The following RRBP1 variants were observed in gnomAD, a reference collection of about 807,000 sequenced individuals.
RRBP1 encodes ribosome binding protein 1, also known as ribosome-binding protein 1.
Under a neutral mutation model 165.2 loss-of-function variants are expected in RRBP1, and 94 were observed. The ratio of observed to expected loss-of-function variants is 0.57; its 90% CI spans 0.48 to 0.68. The LOEUF (loss-of-function observed/expected upper bound fraction) is 0.68, where lower values mean the gene tolerates loss of function less well. Ranked by LOEUF, RRBP1 falls within the 30% of genes least tolerant of loss-of-function variation. The pLI, the probability that RRBP1 is intolerant of heterozygous loss-of-function variation, is 0.00. For missense variants in RRBP1, 1,676 were observed against 1,763.0 expected (o/e 0.95, Z 0.88); for synonymous variants, 680 against 714.5 (o/e 0.95, Z 0.77).
Position 17,625,480 on chromosome 20 carries a change from C to T in RRBP1, c.3054+32G>A, listed in dbSNP as rs3828010. 8,264 of 1,597,176 alleles carry T rather than the reference C, an allele frequency of 5.2e-3. 181 individuals carry two copies. In the East Asian group the frequency reaches 0.063, roughly 12 times the overall value. On this transcript the variant is annotated intron_variant, in intron 12 of 24. Transcript: ENST00000377813. ...CGGCCCCACCTGTGCTTCCCTGGCC[C>T]GTCCGTCCCCGCCTGTGCCTGCCGC...
intron 11 of RRBP1, 42 bp from the exon 12 acceptor site, chr20:17,625,644 C>T (rs1450718605): frequency 2.7e-6 from 4 of 1,505,446 alleles, no homozygotes; most frequent in Admixed American, 1.7e-5. Context: ...CTCCAAGGGG[C>T]TACAGCCCCT....
intron 8 of RRBP1, among the ~76,000 whole-genome samples, chr20:17,631,205 G>A (rs1600738727): frequency 1.3e-5 from 2 of 152,220 alleles, no homozygotes; most frequent in African/African-American, 4.8e-5. Flanking sequence ...TCCCGGGCAG[G>A]AGCCTGCCTT....
intron 5 of RRBP1, among the ~76,000 whole-genome samples, chr20:17,640,386 A>G (rs1258912074): frequency 6.6e-6 from 1 of 152,224 alleles, no homozygotes; most frequent in Non-Finnish European, 1.5e-5. Flanking sequence ...ACGAAAGGGC[A>G]CAGAATGTCT....
rs1037837675 is a variant in RRBP1, at chr20:17,630,017, C to T, written c.2611-56G>A. 27 of 1,551,220 alleles carry T rather than the reference C, an allele frequency of 1.7e-5. No homozygotes were observed. In the African/African-American group the frequency reaches 2.3e-4, roughly 13 times the overall value. The stretch of plus-strand genomic sequence containing the variant: ...AGACGTGGAAGGACCAGGCCCTCAG[C>T]GGCTCTGCGGTGGAGGCGGACAGAG... On this transcript the variant is annotated intron_variant, in intron 8 of 24. Transcript: ENST00000377813.
At chr20:17,636,803 A>G in intron 5 of RRBP1, 74 bp from the exon 6 acceptor site, 1 of 1,575,596 alleles carries the variant, frequency 6.3e-7, no homozygotes, top group Non-Finnish European at 8.6e-7. Context: ...GAGCAAGAGC[A>G]TCACCCGAGC....
Position 17,620,362 on chromosome 20 carries a change from G to T in RRBP1, c.3516C>A (p.Val1172=). 6.2e-7 allele frequency: 1 copy of T among 1,613,610 alleles called. No homozygotes were observed. Among genetic ancestry groups the T allele is most frequent in the South Asian group, 1.1e-5 (1 of 91,036 alleles). The change falls in exon 18 of 25, where the codon GTC becomes GTA. Residue 1172 remains valine (V), a synonymous_variant. Transcript: ENST00000377813. ...AAEEELQKSR[V]TVKHLEEIVE... ...CAATCTCTTCGAGATGCTTCACTGT[G>T]ACCCGGGACTACAAAGCAAGGGGAA... is the stretch of plus-strand genomic sequence containing the variant.
rs1398079289 is a variant in RRBP1, at chr20:17,658,938, C to T, written c.1570G>A (p.Gly524Arg). 6.2e-7 allele frequency: 1 copy of T among 1,612,900 alleles called. No individual in the cohort carries two copies. Residue 524 changes from glycine to arginine, a missense_variant, in exon 3 of 25, where the codon GGG becomes AGG. Physicochemically the swap from Gly to Arg is moderately radical, Grantham distance 125. Coordinates refer to ENST00000377813, the MANE Select transcript of RRBP1 (RefSeq NM_001365613.2). ...CTTTCTGCCTTTTTGCCCTGAGCCC[C>T]TTCTGTCTTTTTACCCTGATTCTGG... ...GAQNQGKKTE[G>R]AQGKKAERSP...
At chr20:17,663,152 C>T (rs969494178) in intron 2 of RRBP1, among the ~76,000 whole-genome samples, 3 of 152,176 alleles carry the variant, frequency 2.0e-5, no homozygotes, top group African/African-American at 4.8e-5. Flanking sequence ...TGGTCTTTAC[C>T]GAGTCGCGAT....
chr20:17,660,107 G>A lies in RRBP1; in HGVS notation c.401C>T (p.Ser134Phe). 1 of 1,614,118 alleles carries A rather than the reference G, an allele frequency of 6.2e-7. No individual in the cohort carries two copies. Among genetic ancestry groups the A allele is most frequent in the Non-Finnish European group, 8.5e-7 (1 of 1,180,010 alleles). The change falls in exon 3 of 25, where the codon TCC becomes TTC. Residue 134 changes from serine (S) to phenylalanine (F), a missense_variant. Transcript: ENST00000377813. ...CTTCTTCTTTTTGTCCTTGGGGGAG[G>A]AGGCCAGCTTCTCCTGGGGCATGGC... The part of the protein sequence containing the change: ...VPAMPQEKLA[S>F]SPKDKKKKEK...
At chr20:17,653,283 G>C (rs1424006481) in intron 3 of RRBP1, among the ~76,000 whole-genome samples, 4 of 152,210 alleles carry the variant, frequency 2.6e-5, no homozygotes. Context: ...GCCCACCCAG[G>C]GCCTCTGTCC....
At chr20:17,640,913 T>C (rs1359134368) in intron 5 of RRBP1, among the ~76,000 whole-genome samples, 1 of 152,198 alleles carries the variant, frequency 6.6e-6, no homozygotes, top group Non-Finnish European at 1.5e-5. Context: ...CCAGACACTG[T>C]TGGACAGTCC....
chr20:17,649,578 G>A (rs1485786677), intron 3 of RRBP1, among the ~76,000 whole-genome samples: 4 of 147,672 alleles, frequency 2.7e-5, no homozygotes, highest in South Asian at 4.4e-4. Context: ...ACATGGGGAG[G>A]ACAGGCGTGG....
Position 17,614,009 on chromosome 20 carries a change from G to C in RRBP1, c.*173C>G. On this transcript the variant is annotated 3_prime_UTR_variant, in exon 25 of 25. Coordinates refer to ENST00000377813, the MANE Select transcript of RRBP1 (RefSeq NM_001365613.2). ...TGACACAGGTTCATTTACAAACTGG[G>C]GCTCTGGAAGGTCTACTTCTGTGGC... is the stretch of plus-strand genomic sequence containing the variant. 1 of 647,944 alleles carries C rather than the reference G, an allele frequency of 1.5e-6. No homozygotes were observed. The highest frequency in any genetic ancestry group is 2.8e-6 in the Non-Finnish European group (1 of 358,814). The allele number at this position is 647,944 out of a possible 1,614,324, so 40.1% of individuals were successfully genotyped here.
At chr20:17,655,671 G>A (rs1413205860) in intron 3 of RRBP1, among the ~76,000 whole-genome samples, 1 of 152,202 alleles carries the variant, frequency 6.6e-6, no homozygotes, top group Non-Finnish European at 1.5e-5. Context: ...TGTTTCCTGA[G>A]GGGAGTCCAG....
chr20:17,625,843 C>T (rs1275533962), intron 11 of RRBP1, among the ~76,000 whole-genome samples: 2 of 152,130 alleles, frequency 1.3e-5, no homozygotes, highest in Non-Finnish European at 2.9e-5. Flanking sequence ...ACCAGAGTCC[C>T]AGTTGGTGAC....
chr20:17,672,782 T>C (rs938827768), intron 2 of RRBP1, among the ~76,000 whole-genome samples: 7 of 152,216 alleles, frequency 4.6e-5, no homozygotes, highest in African/African-American at 1.7e-4. Context: ...AATAAACTCA[T>C]ATATTCACAT....
At chr20:17,641,963 C>T (rs199568801) in intron 4 of RRBP1, 44 bp from the exon 5 acceptor site, 189 of 1,590,452 alleles carry the variant, frequency 1.2e-4, no homozygotes, top group Non-Finnish European at 2.1e-5. Context: ...ACAAATGGGA[C>T]TTGGCTCATC....
At chr20:17,666,116 C>T (rs8120179) in intron 2 of RRBP1, among the ~76,000 whole-genome samples, 45,112 of 152,100 alleles carry the variant, frequency 0.3, 7,862 homozygotes, top group East Asian at 0.58. Context: ...TTGAATCACA[C>T]TGAGTTTATA....
At chr20:17,641,654 G>A in intron 5 of RRBP1, 143 bp downstream of exon 5, 3 of 999,936 alleles carry the variant, frequency 3.0e-6, no homozygotes, top group Non-Finnish European at 4.6e-6. Flanking sequence ...CAGATAAGCA[G>A]CAGTCCCTAC....
Sources: allele counts gnomAD v4.1 joint callset (sites outside exome capture counted in the v4.1 genomes callset), GRCh38; gene constraint gnomAD v4.1.1; transcripts MANE v1.5; gene names NCBI Gene and HGNC (gene_info 2026-07-23, HGNC 2026-07-21).